CUEDC1: variants seen among roughly 807,000 people sequenced by gnomAD.
CUEDC1 encodes CUE domain containing 1, also known as CUE domain-containing protein 1.
CUEDC1 carries 30 observed loss-of-function variants against 43.7 expected under a neutral mutation model. The observed-to-expected ratio is 0.69, with a 90% CI of 0.51 to 0.93. The LOEUF is 0.93. Ranked by LOEUF, CUEDC1 falls within the 40% of genes least tolerant of loss-of-function variation. CUEDC1 has a pLI of 0.00. For missense variants in CUEDC1, 486 were observed against 549.0 expected (o/e 0.89, Z 1.15); for synonymous variants, 223 against 223.6 (o/e 1.00, Z 0.02).
At chr17:57,921,602 G>A (rs549741684) in intron 1 of CUEDC1, among the ~76,000 whole-genome samples, 97 of 152,266 alleles carry the variant, frequency 6.4e-4, no homozygotes, top group African/African-American at 2.1e-3. Context: ...CTTCTCTCCC[G>A]GTTTCTCTGC....
chr17:57,938,643 TTTTATTTATTTATTA>T (rs1251144605), intron 1 of CUEDC1, among the ~76,000 whole-genome samples: 1 of 151,884 alleles, frequency 6.6e-6, no homozygotes, highest in African/African-American at 2.4e-5. Flanking sequence ...TATTTTTAAA[TTTTATTTATTTATTA>T]TTTATTTATT....
chr17:57,949,212 T>G (rs2074983468), intron 1 of CUEDC1, among the ~76,000 whole-genome samples: 1 of 152,204 alleles, frequency 6.6e-6, no homozygotes, highest in Non-Finnish European at 1.5e-5. Flanking sequence ...ACTCCTCTTC[T>G]GGCTGGCAAA....
chr17:57,936,647 C>A (rs1472492780), intron 1 of CUEDC1, among the ~76,000 whole-genome samples: 1 of 152,072 alleles, frequency 6.6e-6, no homozygotes, highest in Admixed American at 6.6e-5. Context: ...ACTGTGCTGG[C>A]AGAACTGGAT....
At chr17:57,866,312 G>A (rs1032752038) in intron 10 of CUEDC1, among the ~76,000 whole-genome samples, 162 bp downstream of exon 10, 3 of 152,152 alleles carry the variant, frequency 2.0e-5, no homozygotes, top group Non-Finnish European at 2.9e-5. Context: ...TAGTTCCCAC[G>A]CCCGTGTCCC....
chr17:57,926,158 G>T (rs754998962), intron 1 of CUEDC1, among the ~76,000 whole-genome samples: 6 of 152,232 alleles, frequency 3.9e-5, no homozygotes, highest in Non-Finnish European at 7.3e-5. Context: ...AGTTGCGAGA[G>T]GGGCAGAGTC....
intron 1 of CUEDC1, among the ~76,000 whole-genome samples, chr17:57,920,402 T>C (rs36093114): frequency 0.038 from 5,782 of 152,236 alleles, 123 homozygotes; most frequent in South Asian, 0.069. Flanking sequence ...TTACTATGTT[T>C]GCTTTCTCCA....
intron 6 of CUEDC1, among the ~76,000 whole-genome samples, chr17:57,869,400 G>C (rs934001051): frequency 6.6e-6 from 1 of 152,188 alleles, no homozygotes; most frequent in African/African-American, 2.4e-5. Context: ...AAATGGGGAG[G>C]GTTCAGCGGT....
At chr17:57,900,188 T>A (rs1025975567) in intron 1 of CUEDC1, among the ~76,000 whole-genome samples, 1 of 152,172 alleles carries the variant, frequency 6.6e-6, no homozygotes, top group African/African-American at 2.4e-5. Context: ...AGGGGTCCCA[T>A]AACCAGCTTC....
At position 57,941,196 on chromosome 17, in the gene CUEDC1, G is replaced by A. The variant is rs538179987; in HGVS notation, c.-316+14029C>T. On this transcript the variant is annotated intron_variant, in intron 1 of 10. Transcript: ENST00000577830. ...ATCTTCCCCACCCTCCTCTGCAGCC[G>A]AAATGTCTCCTCTGGGAATCATCTC... Among the ~76,000 whole-genome samples the A allele has an allele frequency of 7.2e-5, 11 of 152,326 alleles. No homozygotes were observed. The South Asian group carries it at 1.2e-3, about 17-fold the overall frequency.
Position 57,872,842 on chromosome 17 carries a change from C to A in CUEDC1, c.605G>T (p.Gly202Val). Residue 202 changes from glycine (G) to valine (V), a missense_variant, in exon 5 of 11, where the codon GGC (glycine) becomes GTC (valine). Gly to Val is a moderately radical substitution (Grantham distance 109). Transcript: ENST00000577830. ...TCCCTCTCCACTCCCAGGCTTGGGG[C>A]CCCCAGCGTTACCCTGAGGAGGGAA... ...QLDSIQGNAGGPKPGSGEGCP... is the reference protein window; with the variant it reads ...QLDSIQGNAGVPKPGSGEGCP... The A allele has an allele frequency of 6.2e-7, 1 of 1,612,732 alleles. No individual in the cohort carries two copies. The highest frequency in any genetic ancestry group is 8.5e-7 in the Non-Finnish European group (1 of 1,179,514).
In CUEDC1 at chr17:57,872,720, C is replaced by T. The variant is rs922144472; in HGVS notation, c.727G>A (p.Glu243Lys). ...CGTTGCAGCTCCTTCATGAACTCCT[C>T]GTTCTGCAGGAAAAGCGCGATCCTC... is the stretch of plus-strand genomic sequence containing the variant. ...DERIALFLQNEEFMKELQRNR... is the reference protein window; with the variant it reads ...DERIALFLQNKEFMKELQRNR... The change falls in exon 5 of 11, where the codon GAG becomes AAG. Residue 243 changes from glutamate (E) to lysine (K), a missense_variant. Coordinates refer to ENST00000577830, the MANE Select transcript of CUEDC1 (RefSeq NM_001271875.2). 6.8e-6 allele frequency: 11 copies of T among 1,614,096 alleles called. No homozygotes were observed. The highest frequency in any genetic ancestry group is 2.2e-5 in the South Asian group (2 of 91,086).
Position 57,861,585 on chromosome 17 carries a change from C to G in CUEDC1, c.*1704G>C, listed in dbSNP as rs1568021521. 6.6e-6 allele frequency: 1 copy of G among 152,274 alleles called. No individual in the cohort carries two copies. The highest frequency in any genetic ancestry group is 2.4e-5 in the African/African-American group (1 of 41,412). The allele number at this position is 152,274 out of a possible 1,614,324, so 9.4% of individuals were successfully genotyped here. ...AGGAGGGTCCAGCCCACGCCGCTGGCCACATCAGAGCACCAAGAGAACACC... is the reference window on the plus strand; with the variant it reads ...AGGAGGGTCCAGCCCACGCCGCTGGGCACATCAGAGCACCAAGAGAACACC... On this transcript the variant is annotated 3_prime_UTR_variant, in exon 11 of 11. Coordinates refer to ENST00000577830, the MANE Select transcript of CUEDC1 (RefSeq NM_001271875.2).
intron 3 of CUEDC1, among the ~76,000 whole-genome samples, chr17:57,875,624 A>T (rs1200524036): frequency 6.6e-6 from 1 of 152,120 alleles, no homozygotes; most frequent in Non-Finnish European, 1.5e-5. Context: ...GAAAAACAGC[A>T]GGCGGCCTGT....
intron 1 of CUEDC1, among the ~76,000 whole-genome samples, chr17:57,919,357 T>G (rs1176149937): frequency 6.6e-6 from 1 of 151,934 alleles, no homozygotes; most frequent in Non-Finnish European, 1.5e-5. Flanking sequence ...TTTTTGTATT[T>G]TTAGTAGAGA....
chr17:57,942,399 T>G (rs1219080407), intron 1 of CUEDC1, among the ~76,000 whole-genome samples: 1 of 152,146 alleles, frequency 6.6e-6, no homozygotes, highest in Non-Finnish European at 1.5e-5. Flanking sequence ...TGGTTTGATT[T>G]GTTTTTTGAG....
chr17:57,879,560 A>C (rs2074174421), intron 3 of CUEDC1, 51 bp downstream of exon 3: 13 of 1,533,238 alleles, frequency 8.5e-6, no homozygotes, highest in Non-Finnish European at 1.0e-5. Flanking sequence ...AGCCCCAGCC[A>C]CTGATCCTCT....
intron 1 of CUEDC1, among the ~76,000 whole-genome samples, chr17:57,902,416 T>C (rs2074482687): frequency 1.3e-5 from 2 of 152,208 alleles, no homozygotes; most frequent in African/African-American, 4.8e-5. Context: ...GCAAGGTCTG[T>C]GTATCCCTAA....
In CUEDC1 at chr17:57,954,704, G is replaced by A. The variant is rs954281797; in HGVS notation, c.-316+521C>T. On this transcript the variant is annotated intron_variant, in intron 1 of 10. Transcript: ENST00000577830. This position sits in a 1 kb window ranked among gnomAD's most constrained non-coding sequence, Gnocchi z 4.3. Reference sequence around the variant, plus strand: ...AGCCGACCTGTGACATCGGCGGGGGGCAGGAAGCGAAGCTCCCCTCCCCCT... The same window carrying A: ...AGCCGACCTGTGACATCGGCGGGGGACAGGAAGCGAAGCTCCCCTCCCCCT... Among the ~76,000 whole-genome samples, 1 of 152,106 alleles carries A rather than the reference G, an allele frequency of 6.6e-6. No homozygotes were observed. Among genetic ancestry groups the A allele is most frequent in the East Asian group, 1.9e-4 (1 of 5,150 alleles).
rs560412916 is a variant in CUEDC1 at position 57,876,578 on chromosome 17, C to G, written c.465-2861G>C. Reference sequence around the variant, plus strand: ...ACACACATAGTTCAGGAGTGCTGTACTCACCACCTCATCATACACATGGCT... The same window carrying G: ...ACACACATAGTTCAGGAGTGCTGTAGTCACCACCTCATCATACACATGGCT... On this transcript the variant is annotated intron_variant, in intron 3 of 10. Coordinates refer to ENST00000577830, the MANE Select transcript of CUEDC1 (RefSeq NM_001271875.2). Among the ~76,000 whole-genome samples the G allele has an allele frequency of 4.2e-4, 64 of 152,274 alleles. No homozygotes were observed. The South Asian group carries it at 7.1e-3, about 17-fold the overall frequency.
Sources: gnomAD v4.1 joint callset for allele counts (sites outside exome capture counted in the v4.1 genomes callset) on GRCh38, gnomAD v4.1.1 for gene constraint, Gnocchi (gnomAD v3.1) non-coding constraint, MANE v1.5 for transcripts, NCBI Gene and HGNC (gene_info 2026-07-23, HGNC 2026-07-21) for gene names.